RUNX1: variants seen among roughly 807,000 people sequenced by gnomAD.
RUNX1 encodes RUNX family transcription factor 1.
In RUNX1, 19 loss-of-function variants were observed where a neutral mutation model predicts 42.8. That is an observed-to-expected ratio of 0.44 (90% CI 0.31 to 0.65). RUNX1 has a LOEUF of 0.65. Ranked by LOEUF, RUNX1 falls within the 30% of genes least tolerant of loss-of-function variation. The pLI, the probability that RUNX1 is intolerant of heterozygous loss-of-function variation, is 0.07. For missense variants in RUNX1, 528 were observed against 672.0 expected (o/e 0.79, Z 2.37); for synonymous variants, 271 against 289.4 (o/e 0.94, Z 0.64).
At chr21:34,896,771 A>G (rs1200415183) in intron 2 of RUNX1, among the ~76,000 whole-genome samples, 1 of 152,204 alleles carries the variant, frequency 6.6e-6, no homozygotes, top group Non-Finnish European at 1.5e-5. Flanking sequence ...GAAAACAAGG[A>G]CTGAAAATAT....
chr21:34,937,241 ATTATTG>A (rs2058492638), intron 2 of RUNX1, among the ~76,000 whole-genome samples: 2 of 146,348 alleles, frequency 1.4e-5, no homozygotes, highest in South Asian at 2.2e-4. Flanking sequence ...AATTATTATT[ATTATTG>A]TTATTGTTAC....
chr21:34,945,899 C>A (rs1279186033), intron 2 of RUNX1, among the ~76,000 whole-genome samples: 2 of 152,114 alleles, frequency 1.3e-5, no homozygotes, highest in Non-Finnish European at 2.9e-5. Flanking sequence ...TACCTGGAAG[C>A]CTCACCTCAT....
At chr21:34,877,055 C>A (rs564446864) in intron 5 of RUNX1, among the ~76,000 whole-genome samples, 14 of 152,250 alleles carry the variant, frequency 9.2e-5, no homozygotes, top group African/African-American at 3.4e-4. Context: ...ATGGCGGTGT[C>A]ACCATGTTGG....
At chr21:35,013,902 TAGA>T (rs2059142375) in intron 2 of RUNX1, among the ~76,000 whole-genome samples, 1 of 152,244 alleles carries the variant, frequency 6.6e-6, no homozygotes, top group Non-Finnish European at 1.5e-5. Context: ...GGTGATATTT[TAGA>T]AGAATTTTTA....
At chr21:34,995,258 C>G (rs964181186) in intron 2 of RUNX1, among the ~76,000 whole-genome samples, 10 of 152,054 alleles carry the variant, frequency 6.6e-5, no homozygotes, top group Non-Finnish European at 1.5e-4. Flanking sequence ...TCAGCTCTGA[C>G]CACAAAGGGT....
At chr21:35,049,066 T>A in intron 1 of RUNX1, 102 bp downstream of exon 1, 1 of 642,798 alleles carries the variant, frequency 1.6e-6, no homozygotes, top group Non-Finnish European at 2.8e-6. Context: ...CCCCAAGCCC[T>A]ATTAAAAAAT....
At chr21:34,972,196 T>C (rs2058768678) in intron 2 of RUNX1, among the ~76,000 whole-genome samples, 1 of 152,222 alleles carries the variant, frequency 6.6e-6, no homozygotes, top group Non-Finnish European at 1.5e-5. Context: ...TCCTAAAATA[T>C]TGAACTAAGG....
chr21:34,852,793 A>C (rs2057441073), intron 6 of RUNX1, among the ~76,000 whole-genome samples: 1 of 152,152 alleles, frequency 6.6e-6, no homozygotes, highest in South Asian at 2.1e-4. Flanking sequence ...TCCAAGTCCA[A>C]ATCTGATGAA....
rs1471150453 is a variant in RUNX1 at position 35,032,384 on chromosome 21, G to A, written c.58+16458C>T. ...CCCACTAGTTACCTTTTTTGAAGAG[G>A]AAAAATAAGAGTTGAGTTTTTCCAT... On this transcript the variant is annotated intron_variant, in intron 2 of 8. Coordinates refer to ENST00000675419, the MANE Select transcript of RUNX1 (RefSeq NM_001754.5). 2.6e-5 allele frequency among the ~76,000 whole-genome samples: 4 copies of A among 152,202 alleles called. No individual in the cohort carries two copies. In the South Asian group the frequency reaches 8.3e-4, roughly 32 times the overall value.
intron 2 of RUNX1, among the ~76,000 whole-genome samples, chr21:34,920,488 T>A (rs963394257): frequency 1.3e-5 from 2 of 152,216 alleles, no homozygotes; most frequent in East Asian, 3.9e-4. Context: ...AAAAATCCCA[T>A]GTAAGCATTT....
chr21:34,962,332 A>G (rs928554011), intron 2 of RUNX1, among the ~76,000 whole-genome samples: 2 of 152,258 alleles, frequency 1.3e-5, no homozygotes, highest in Non-Finnish European at 2.9e-5. Flanking sequence ...CAAAGGACTG[A>G]GAACTCCACA....
intron 2 of RUNX1, among the ~76,000 whole-genome samples, chr21:34,928,666 T>C (rs7282509): frequency 0.15 from 22,188 of 149,676 alleles, 3,219 homozygotes; most frequent in African/African-American, 0.39. Context: ...GGCGACAGAG[T>C]GCGACTCCAT....
At chr21:34,835,407 T>A (rs944993243) in intron 6 of RUNX1, among the ~76,000 whole-genome samples, 5 of 151,648 alleles carry the variant, frequency 3.3e-5, no homozygotes, top group African/African-American at 1.2e-4. Context: ...GATGGGATGA[T>A]GGGCCCCTCA....
At position 35,016,883 on chromosome 21, in the gene RUNX1, G is replaced by A. The variant is rs184889436; in HGVS notation, c.58+31959C>T. 3.5e-3 allele frequency among the ~76,000 whole-genome samples: 509 copies of A among 147,372 alleles called. 4 individuals are homozygous for A. Among genetic ancestry groups the A allele is most frequent in the African/African-American group, 0.012 (490 of 39,494 alleles). On this transcript the variant is annotated intron_variant, in intron 2 of 8. Coordinates refer to ENST00000675419, the MANE Select transcript of RUNX1 (RefSeq NM_001754.5). ...CTGGGACTTGCAGTGTGTGCACATTGTGTGTGTGTGTGTGTGTGTGTAGCT... is the reference window on the plus strand; with the variant it reads ...CTGGGACTTGCAGTGTGTGCACATTATGTGTGTGTGTGTGTGTGTGTAGCT...
At chr21:34,926,151 T>C (rs1281313687) in intron 2 of RUNX1, among the ~76,000 whole-genome samples, 1 of 152,076 alleles carries the variant, frequency 6.6e-6, no homozygotes, top group East Asian at 1.9e-4. Context: ...TAATTAAAAG[T>C]ATGTATTTTA....
intron 8 of RUNX1, among the ~76,000 whole-genome samples, chr21:34,795,355 G>A (rs750052714): frequency 3.3e-5 from 5 of 151,966 alleles, no homozygotes; most frequent in African/African-American, 4.8e-5. Context: ...TCGCTCTCTC[G>A]TCTCTTCCAC....
chr21:34,957,178 C>T (rs1042004935), intron 2 of RUNX1, among the ~76,000 whole-genome samples: 20 of 152,106 alleles, frequency 1.3e-4, no homozygotes, highest in Non-Finnish European at 2.5e-4. Flanking sequence ...CTGACTTGGC[C>T]GACATCGTGG....
chr21:35,005,281 C>T (rs1030308438), intron 2 of RUNX1, among the ~76,000 whole-genome samples: 1 of 152,126 alleles, frequency 6.6e-6, no homozygotes, highest in Non-Finnish European at 1.5e-5. Flanking sequence ...ACTGACCCCA[C>T]AATTTGTCTA....
intron 2 of RUNX1, among the ~76,000 whole-genome samples, chr21:34,963,613 G>C (rs2058696775): frequency 6.6e-6 from 1 of 151,318 alleles, no homozygotes; most frequent in Non-Finnish European, 1.5e-5. Context: ...TGACAGCCAA[G>C]GGTGGCCTTT....
Sources: gnomAD v4.1 joint callset for allele counts (sites outside exome capture counted in the v4.1 genomes callset) on GRCh38, gnomAD v4.1.1 for gene constraint, MANE v1.5 for transcripts, NCBI Gene and HGNC (gene_info 2026-07-23, HGNC 2026-07-21) for gene names.